The following PIK3C2G variants were observed in gnomAD, a reference collection of about 807,000 sequenced individuals.
PIK3C2G encodes phosphatidylinositol-4-phosphate 3-kinase catalytic subunit type 2 gamma, also known as phosphatidylinositol 3-kinase C2 domain-containing subunit gamma.
A neutral mutation model predicts 181.1 loss-of-function variants in PIK3C2G; 168 were observed. That is an observed-to-expected ratio of 0.93 (90% confidence interval 0.82 to 1.05). The LOEUF (loss-of-function observed/expected upper bound fraction) is 1.05, where lower values mean the gene tolerates loss of function less well. Ranked by LOEUF, PIK3C2G falls within the 50% of genes least tolerant of loss-of-function variation. The probability of loss-of-function intolerance (pLI) is 0.00; values close to 1 mark genes in which losing one functional copy is unlikely to be tolerated. For missense variants in PIK3C2G, 1,869 were observed against 1,732.8 expected, an observed-to-expected ratio of 1.08 and a Z score of -1.40; for synonymous variants, 573 against 592.2, an observed-to-expected ratio of 0.97 and a Z score of 0.47.
the PIK3C2G span, among the ~76,000 whole-genome samples, chr12:18,678,707 G>T: frequency 3.9e-4 from 59 of 152,022 alleles, 1 homozygote; most frequent in African/African-American, 1.4e-3. Context: ...ACATTAAATA[G>T]TATTGGATAT....
At chr12:18,347,072 T>C (rs375842723) in intron 11 of PIK3C2G, among the ~76,000 whole-genome samples, 5 of 152,228 alleles carry the variant, frequency 3.3e-5, no homozygotes, top group Non-Finnish European at 7.3e-5. Context: ...TGCCAATATA[T>C]CGTTATGGAA....
intron 16 of PIK3C2G, among the ~76,000 whole-genome samples, chr12:18,405,315 T>C (rs554407277): frequency 2.0e-5 from 3 of 152,270 alleles, no homozygotes; most frequent in South Asian, 4.1e-4. Context: ...AAGTAGAGGA[T>C]GTGTGACAAG....
chr12:18,701,855 C>T, the PIK3C2G span: 11 of 1,527,148 alleles, frequency 7.2e-6, no homozygotes, highest in Admixed American at 8.2e-5. Flanking sequence ...AAGTGTTTCA[C>T]TATATTTCCA....
the PIK3C2G span, among the ~76,000 whole-genome samples, chr12:18,677,372 C>CTAGT: frequency 1.3e-5 from 2 of 152,082 alleles, no homozygotes; most frequent in South Asian, 4.1e-4. Context: ...AGAGGCAAGG[C>CTAGT]TAGTTGTTTT....
At chr12:18,270,982 T>G (rs897779853) in intron 1 of PIK3C2G, among the ~76,000 whole-genome samples, 2 of 152,016 alleles carry the variant, frequency 1.3e-5, no homozygotes, top group African/African-American at 2.4e-5. Flanking sequence ...TTTTGCTGAT[T>G]TTTTTAGGCT....
At chr12:18,481,346 G>T (rs1939545287) in intron 18 of PIK3C2G, among the ~76,000 whole-genome samples, 1 of 152,068 alleles carries the variant, frequency 6.6e-6, no homozygotes, top group African/African-American at 2.4e-5. Context: ...TGAATGTAAG[G>T]AGCTCTGATT....
At chr12:18,700,899 G>A in the PIK3C2G span, among the ~76,000 whole-genome samples, 2 of 152,148 alleles carry the variant, frequency 1.3e-5, no homozygotes, top group African/African-American at 4.8e-5. Context: ...TGGGACCAGG[G>A]AAATTACGTT....
At chr12:18,657,118 AC>A in the PIK3C2G span, among the ~76,000 whole-genome samples, 1 of 152,162 alleles carries the variant, frequency 6.6e-6, no homozygotes, top group Non-Finnish European at 1.5e-5. Flanking sequence ...TCAAATCTCT[AC>A]CAGTGCTGAG....
chr12:18,246,549 G>C (rs1388207887), upstream of PIK3C2G, among the ~76,000 whole-genome samples: 1 of 151,774 alleles, frequency 6.6e-6, no homozygotes, highest in East Asian at 1.9e-4. Context: ...ATTCTTTCTT[G>C]GTGGCTCCAA....
At chr12:18,294,073 T>G in intron 5 of PIK3C2G, 58 bp downstream of exon 5, 1 of 755,612 alleles carries the variant, frequency 1.3e-6, no homozygotes, top group Non-Finnish European at 2.3e-6. Flanking sequence ...AGTTACCACT[T>G]GTTTATGGTT....
intron 24 of PIK3C2G, among the ~76,000 whole-genome samples, chr12:18,517,698 T>C (rs567171383): frequency 1.3e-5 from 2 of 152,308 alleles, no homozygotes; most frequent in South Asian, 4.1e-4. Context: ...TTTGACTTCC[T>C]CTCTTCCTAT....
the PIK3C2G span, among the ~76,000 whole-genome samples, chr12:18,673,074 C>G: frequency 6.6e-6 from 1 of 152,066 alleles, no homozygotes; most frequent in Non-Finnish European, 1.5e-5. Context: ...AAAAAGCAGA[C>G]TAATTTAGCT....
intron 6 of PIK3C2G, among the ~76,000 whole-genome samples, chr12:18,318,848 A>G (rs1198401919): frequency 6.6e-6 from 1 of 151,600 alleles, no homozygotes; most frequent in African/African-American, 2.4e-5. Context: ...TAATCCCAGC[A>G]CTTTGGGAGG....
chr12:18,314,856 T>C (rs1950793968), intron 6 of PIK3C2G, among the ~76,000 whole-genome samples: 1 of 152,230 alleles, frequency 6.6e-6, no homozygotes, highest in Admixed American at 6.5e-5. Flanking sequence ...ACTGTTTATG[T>C]CAACACAGCT....
intron 1 of PIK3C2G, among the ~76,000 whole-genome samples, chr12:18,274,715 A>G (rs1462869889): frequency 6.6e-6 from 1 of 152,174 alleles, no homozygotes; most frequent in African/African-American, 2.4e-5. Context: ...ATGATGAGTT[A>G]ATGGGTGCAG....
the PIK3C2G span, among the ~76,000 whole-genome samples, chr12:18,691,793 T>C: frequency 0.96 from 146,558 of 152,282 alleles, 70,612 homozygotes; most frequent in East Asian, 1. Flanking sequence ...TGCCTATCCA[T>C]TAAATGCTTC....
the PIK3C2G span, among the ~76,000 whole-genome samples, chr12:18,673,632 T>TA: frequency 6.6e-6 from 1 of 152,314 alleles, no homozygotes; most frequent in Admixed American, 6.5e-5. Context: ...TACGCATTAA[T>TA]TATCTCATAG....
At chr12:18,646,523 A>C (rs1166416563) in intron 32 of PIK3C2G, among the ~76,000 whole-genome samples, 1 of 152,152 alleles carries the variant, frequency 6.6e-6, no homozygotes, top group Non-Finnish European at 1.5e-5. Flanking sequence ...TTGATAACGT[A>C]ATGAAAGGTA....
chr12:18,726,528 C>A, the PIK3C2G span, among the ~76,000 whole-genome samples: 2 of 152,036 alleles, frequency 1.3e-5, no homozygotes, highest in Non-Finnish European at 2.9e-5. Context: ...AATTACTATA[C>A]GTTTAAATGA....
Sources: allele counts gnomAD v4.1 joint callset (sites outside exome capture counted in the v4.1 genomes callset), GRCh38; gene constraint gnomAD v4.1.1; transcripts MANE v1.5; gene names NCBI Gene and HGNC (gene_info 2026-07-23, HGNC 2026-07-21).